The following STIM1 variants were observed in gnomAD, a reference collection of about 807,000 sequenced individuals.
STIM1 encodes stromal interaction molecule 1.
In STIM1, 25 loss-of-function variants were observed where a neutral mutation model predicts 74.7. The observed-to-expected ratio is 0.33, with a 90% confidence interval of 0.24 to 0.47. STIM1 has a LOEUF of 0.47. Among genes scored for constraint, STIM1 ranks in the 20% least tolerant of loss-of-function variants. STIM1 has a pLI of 1.00. For missense variants in STIM1, 728 were observed against 920.8 expected, an observed-to-expected ratio of 0.79 and a Z score of 2.71; for synonymous variants, 328 against 348.8, an observed-to-expected ratio of 0.94 and a Z score of 0.66.
At chr11:4,078,790 C>T (rs376660431) in intron 7 of STIM1, among the ~76,000 whole-genome samples, 4 of 151,642 alleles carry the variant, frequency 2.6e-5, no homozygotes, top group Admixed American at 6.6e-5. Flanking sequence ...AGGCTGGTCT[C>T]GAACTCCTGA....
At chr11:4,061,211 G>C (rs139067842) in intron 5 of STIM1, among the ~76,000 whole-genome samples, 134 of 152,320 alleles carry the variant, frequency 8.8e-4, no homozygotes, top group African/African-American at 3.2e-3. Flanking sequence ...AAATCAGCTA[G>C]CATGGGAACC....
At chr11:3,856,839 CTG>C (rs1156540339) in intron 1 of STIM1, among the ~76,000 whole-genome samples, 2 of 152,214 alleles carry the variant, frequency 1.3e-5, no homozygotes, top group East Asian at 3.8e-4. Flanking sequence ...TGGGCCACCT[CTG>C]TTGCCTGAAA....
At chr11:3,919,683 G>A (rs1025867525) in intron 1 of STIM1, among the ~76,000 whole-genome samples, 1 of 152,170 alleles carries the variant, frequency 6.6e-6, no homozygotes, top group African/African-American at 2.4e-5. Context: ...TGAGCTGGAT[G>A]GATTCTGTAT....
intron 1 of STIM1, among the ~76,000 whole-genome samples, chr11:3,946,692 A>G (rs940528259): frequency 2.6e-5 from 4 of 152,072 alleles, no homozygotes; most frequent in African/African-American, 4.8e-5. Flanking sequence ...CCATTACCAT[A>G]TCCTGCTTAT....
At chr11:3,933,234 A>C (rs866315923) in intron 1 of STIM1, among the ~76,000 whole-genome samples, 1 of 152,098 alleles carries the variant, frequency 6.6e-6, no homozygotes. Context: ...TGTGAATGGG[A>C]CCACGTTTCC....
In STIM1 at chr11:4,045,762, C is replaced by CTTT. The variant is rs35939527; in HGVS notation, c.386-9745_386-9743dup. On this transcript the variant is annotated intron_variant, in intron 3 of 12. Transcript: ENST00000526596. ...CCACCAAGTCCATCCCTCAACACTTCTTTTTTTTTTTTTTTTTTTTTGAGA... is the reference window on the plus strand; with the variant it reads ...CCACCAAGTCCATCCCTCAACACTTCTTTTTTTTTTTTTTTTTTTTTTTTGAGA... Among the ~76,000 whole-genome samples the CTTT allele has an allele frequency of 1.9e-3, 201 of 104,440 alleles. 1 individual carries two copies. The highest frequency in any genetic ancestry group is 2.6e-3 in the African/African-American group (77 of 29,406). 68.5% of individuals were successfully genotyped at this position (104,440 alleles called of 152,430 possible).
At chr11:3,884,442 G>T (rs1279306445) in intron 1 of STIM1, among the ~76,000 whole-genome samples, 1 of 152,204 alleles carries the variant, frequency 6.6e-6, no homozygotes, top group Non-Finnish European at 1.5e-5. Flanking sequence ...AAAGGAACTG[G>T]TTTCTGCTGG....
At chr11:4,089,220 CAATA>C (rs935908074) in intron 12 of STIM1, 406 of 161,190 alleles carry the variant, frequency 2.5e-3, no homozygotes, top group Non-Finnish European at 4.3e-3. Context: ...AAGACCCTGT[CAATA>C]AATAAATAAA....
At chr11:4,074,998 G>A (rs1003646411) in intron 7 of STIM1, among the ~76,000 whole-genome samples, 5 of 152,012 alleles carry the variant, frequency 3.3e-5, no homozygotes, top group South Asian at 2.1e-4. Context: ...AAAATTAGCC[G>A]GGTGTGGCGG....
chr11:4,034,002 G>C (rs749728051), intron 3 of STIM1, among the ~76,000 whole-genome samples: 1 of 151,670 alleles, frequency 6.6e-6, no homozygotes, highest in Non-Finnish European at 1.5e-5. Flanking sequence ...AGGCTGAGGT[G>C]GGTGGATCAC....
intron 3 of STIM1, among the ~76,000 whole-genome samples, chr11:4,027,081 C>G (rs1259454903): frequency 6.6e-6 from 1 of 152,124 alleles, no homozygotes; most frequent in Non-Finnish European, 1.5e-5. Flanking sequence ...CATGTGTGAT[C>G]CAAGGGACCC....
chr11:3,959,812 A>C (rs1321603196), intron 1 of STIM1, among the ~76,000 whole-genome samples: 1 of 152,166 alleles, frequency 6.6e-6, no homozygotes, highest in African/African-American at 2.4e-5. Flanking sequence ...TCATAATAAT[A>C]TATTATTTGC....
intron 1 of STIM1, among the ~76,000 whole-genome samples, chr11:3,934,980 A>G (rs987086788): frequency 2.0e-5 from 3 of 152,344 alleles, no homozygotes; most frequent in African/African-American, 2.4e-5. Flanking sequence ...AAGGTGAGCA[A>G]ATGGAAAAGA....
chr11:3,864,777 T>A (rs767105480), intron 1 of STIM1, among the ~76,000 whole-genome samples: 5 of 152,244 alleles, frequency 3.3e-5, no homozygotes, highest in African/African-American at 4.8e-5. Context: ...AGGGCCATGC[T>A]CTGGGGAACA....
intron 2 of STIM1, among the ~76,000 whole-genome samples, chr11:3,975,777 C>A (rs553829031): frequency 1.3e-5 from 2 of 152,170 alleles, no homozygotes; most frequent in East Asian, 1.9e-4. Flanking sequence ...TAGGGAAATG[C>A]AAATTAAAAC....
intron 1 of STIM1, among the ~76,000 whole-genome samples, chr11:3,898,657 T>C (rs1393148088): frequency 1.3e-5 from 2 of 151,874 alleles, no homozygotes; most frequent in Admixed American, 6.6e-5. Flanking sequence ...AGGTCTAACG[T>C]TTAAGTCTTT....
chr11:3,953,386 C>T (rs1260143620), intron 1 of STIM1, among the ~76,000 whole-genome samples: 1 of 152,110 alleles, frequency 6.6e-6, no homozygotes, highest in Admixed American at 6.5e-5. Flanking sequence ...CATTAATAGA[C>T]AAAAAACCCC....
At chr11:4,050,982 G>A (rs1212122376) in intron 3 of STIM1, among the ~76,000 whole-genome samples, 1 of 152,108 alleles carries the variant, frequency 6.6e-6, no homozygotes, top group Non-Finnish European at 1.5e-5. Context: ...TGAGGAGGAG[G>A]AGGAAGAAGA....
intron 1 of STIM1, among the ~76,000 whole-genome samples, chr11:3,897,274 A>G (rs1416879009): frequency 6.6e-6 from 1 of 152,172 alleles, no homozygotes; most frequent in Non-Finnish European, 1.5e-5. Context: ...TACCTGATAA[A>G]GGCTCTTCTT....
Sources: allele counts gnomAD v4.1 joint callset (sites outside exome capture counted in the v4.1 genomes callset), GRCh38; gene constraint gnomAD v4.1.1; transcripts MANE v1.5; gene names NCBI Gene and HGNC (gene_info 2026-07-23, HGNC 2026-07-21).